The following CADM2 variants were observed in gnomAD, a reference collection of about 807,000 sequenced individuals.
The protein encoded by CADM2 is cell adhesion molecule 2.
CADM2 carries 12 observed loss-of-function variants against 49.8 expected under a neutral mutation model. The ratio of observed to expected loss-of-function variants is 0.24; its 90% confidence interval spans 0.15 to 0.39. CADM2 has a LOEUF of 0.39. Ranked by LOEUF, CADM2 falls within the 10% of genes least tolerant of loss-of-function variation. The pLI, the probability that CADM2 is intolerant of heterozygous loss-of-function variation, is 1.00. For missense variants in CADM2, 378 were observed against 492.3 expected, an observed-to-expected ratio of 0.77 and a Z score of 2.20; for synonymous variants, 214 against 175.4, an observed-to-expected ratio of 1.22 and a Z score of -1.74.
intron 1 of CADM2, among the ~76,000 whole-genome samples, chr3:85,324,974 G>A (rs2044708433): frequency 6.6e-6 from 1 of 152,152 alleles, no homozygotes; most frequent in East Asian, 1.9e-4. Context: ...AGCTGGTTCT[G>A]CACAGAACCA....
intron 1 of CADM2, among the ~76,000 whole-genome samples, chr3:85,100,996 C>A (rs1387122179): frequency 2.0e-5 from 3 of 152,178 alleles, no homozygotes; most frequent in Non-Finnish European, 4.4e-5. Context: ...TGGCTCACGA[C>A]TGTAATCCCA....
At chr3:85,376,870 G>A (rs995583202) in intron 1 of CADM2, among the ~76,000 whole-genome samples, 4 of 151,870 alleles carry the variant, frequency 2.6e-5, no homozygotes, top group African/African-American at 7.2e-5. Flanking sequence ...GAAAGATAAC[G>A]GTTTTCAATG....
chr3:85,884,382 A>G (rs1559720874), intron 4 of CADM2, among the ~76,000 whole-genome samples: 2 of 152,348 alleles, frequency 1.3e-5, no homozygotes, highest in Non-Finnish European at 2.9e-5. Flanking sequence ...CATAGGATAT[A>G]AAACATTTCT....
intron 8 of CADM2, among the ~76,000 whole-genome samples, chr3:85,996,992 A>G (rs1729512787): frequency 6.6e-6 from 1 of 152,192 alleles, no homozygotes; most frequent in Non-Finnish European, 1.5e-5. Flanking sequence ...TCATCTCATC[A>G]GAAGTGCTAA....
At chr3:85,818,594 G>T (rs2073363181) in intron 3 of CADM2, among the ~76,000 whole-genome samples, 1 of 152,122 alleles carries the variant, frequency 6.6e-6, no homozygotes, top group Non-Finnish European at 1.5e-5. Context: ...CTCATTAAAT[G>T]ATTCTGTATT....
intron 1 of CADM2, among the ~76,000 whole-genome samples, chr3:85,319,539 A>C (rs977110601): frequency 6.6e-6 from 1 of 152,242 alleles, no homozygotes; most frequent in East Asian, 1.9e-4. Context: ...ACAGGGAATC[A>C]ACCTAAATGC....
chr3:85,522,574 A>T (rs1303068769), intron 1 of CADM2, among the ~76,000 whole-genome samples: 1 of 152,168 alleles, frequency 6.6e-6, no homozygotes, highest in African/African-American at 2.4e-5. Context: ...TAGTATAAAC[A>T]AGTCTGGACA....
At chr3:85,313,734 A>C (rs1185228827) in intron 1 of CADM2, among the ~76,000 whole-genome samples, 1 of 152,184 alleles carries the variant, frequency 6.6e-6, no homozygotes, top group Non-Finnish European at 1.5e-5. Flanking sequence ...ACAAACTTGA[A>C]AACTGATGGG....
intron 8 of CADM2, chr3:86,013,233 A>G: frequency 6.9e-7 from 1 of 1,444,094 alleles, no homozygotes; most frequent in Non-Finnish European, 9.6e-7. Flanking sequence ...AAAAACATAA[A>G]CCAACAATAG....
At chr3:86,047,395 T>C (rs1382835266) in intron 8 of CADM2, among the ~76,000 whole-genome samples, 1 of 152,184 alleles carries the variant, frequency 6.6e-6, no homozygotes, top group Non-Finnish European at 1.5e-5. Flanking sequence ...ATCATATTTA[T>C]TTAATCTGAA....
chr3:85,875,445 T>G (rs2108365620), intron 3 of CADM2, among the ~76,000 whole-genome samples: 1 of 152,326 alleles, frequency 6.6e-6, no homozygotes, highest in East Asian at 1.9e-4. Context: ...TGACAAGTGT[T>G]AAGTCTTAGA....
At chr3:85,977,122 CTAT>C (rs1248411857) in intron 8 of CADM2, among the ~76,000 whole-genome samples, 1 of 150,786 alleles carries the variant, frequency 6.6e-6, no homozygotes, top group South Asian at 2.1e-4. Flanking sequence ...CCAAATACTA[CTAT>C]AATAATAATA....
At chr3:85,392,207 A>G (rs977778429) in intron 1 of CADM2, among the ~76,000 whole-genome samples, 1 of 152,130 alleles carries the variant, frequency 6.6e-6, no homozygotes, top group Non-Finnish European at 1.5e-5. Context: ...GCCTTGCTAC[A>G]TCTCAATATT....
intron 1 of CADM2, among the ~76,000 whole-genome samples, chr3:84,991,164 C>T (rs2032863122): frequency 6.6e-6 from 1 of 151,994 alleles, no homozygotes; most frequent in South Asian, 2.1e-4. Context: ...AGGATCTTTC[C>T]AGTATTTCAG....
intron 7 of CADM2, among the ~76,000 whole-genome samples, chr3:85,948,602 T>C (rs1723026374): frequency 6.6e-6 from 1 of 150,932 alleles, no homozygotes; most frequent in Admixed American, 6.6e-5. Context: ...CTAAAAGAAA[T>C]TTTCTTGCAT....
At chr3:85,428,630 T>C (rs1312196028) in intron 1 of CADM2, among the ~76,000 whole-genome samples, 1 of 145,842 alleles carries the variant, frequency 6.9e-6, no homozygotes, top group Non-Finnish European at 1.5e-5. Flanking sequence ...TATTTACATA[T>C]AAAAATATAA....
At chr3:85,351,743 C>T (rs1000429573) in intron 1 of CADM2, among the ~76,000 whole-genome samples, 3 of 152,074 alleles carry the variant, frequency 2.0e-5, no homozygotes, top group African/African-American at 7.2e-5. Context: ...AAGCCTGGGC[C>T]TGTCTATATT....
intron 1 of CADM2, among the ~76,000 whole-genome samples, chr3:84,984,019 G>T (rs1156829983): frequency 1.4e-5 from 2 of 144,948 alleles, no homozygotes; most frequent in Admixed American, 7.2e-5. Context: ...TTCACAAATG[G>T]CTTCTTCATT....
At chr3:85,027,839 G>A (rs1463970314) in intron 1 of CADM2, among the ~76,000 whole-genome samples, 1 of 152,096 alleles carries the variant, frequency 6.6e-6, no homozygotes, top group Admixed American at 6.5e-5. Flanking sequence ...TGGCAAAGAG[G>A]TTTTAAATCC....
Sources: allele counts gnomAD v4.1 joint callset (sites outside exome capture counted in the v4.1 genomes callset), GRCh38; gene constraint gnomAD v4.1.1; transcripts MANE v1.5; gene names NCBI Gene and HGNC (gene_info 2026-07-23, HGNC 2026-07-21).